ZBTB16: variants seen among roughly 807,000 people sequenced by gnomAD.
ZBTB16 encodes the protein zinc finger and BTB domain-containing protein 16.
Under a neutral mutation model 56.8 loss-of-function variants are expected in ZBTB16, and 8 were observed. That is an observed-to-expected ratio of 0.14 (90% CI 0.08 to 0.25). ZBTB16 has a LOEUF of 0.25. Among genes scored for constraint, ZBTB16 ranks in the 10% least tolerant of loss-of-function variants. The probability of loss-of-function intolerance (pLI) is 1.00; values close to 1 mark genes in which losing one functional copy is unlikely to be tolerated. For missense variants in ZBTB16, 625 were observed against 903.0 expected (o/e 0.69, Z 3.95); for synonymous variants, 363 against 368.5 (o/e 0.98, Z 0.17).
chr11:114,118,932 G>A (rs1941256786), intron 2 of ZBTB16, among the ~76,000 whole-genome samples: 1 of 152,120 alleles, frequency 6.6e-6, no homozygotes, highest in Admixed American at 6.5e-5. Flanking sequence ...CAGTGACTTG[G>A]AGTTCAGGTT....
chr11:114,067,057 A>G (rs1292729741), intron 2 of ZBTB16, among the ~76,000 whole-genome samples: 1 of 152,096 alleles, frequency 6.6e-6, no homozygotes, highest in East Asian at 1.9e-4. Flanking sequence ...GCTGTGAGCC[A>G]CCCCGCCCGG....
At chr11:114,238,742 C>G (rs79582017) in intron 4 of ZBTB16, among the ~76,000 whole-genome samples, 1 of 152,244 alleles carries the variant, frequency 6.6e-6, no homozygotes, top group African/African-American at 2.4e-5. Flanking sequence ...GATCTGACTC[C>G]CATCACCCTC....
rs1944902092 is a variant in ZBTB16, at chr11:114,250,638, A to C, written c.*83A>C. On this transcript the variant is annotated 3_prime_UTR_variant, in exon 7 of 7. Transcript: ENST00000335953. This position sits in a 1 kb window ranked among gnomAD's most constrained non-coding sequence, Gnocchi z 6.0. ...GATGAAGGAAGGACTATGACAAATA[A>C]AAAAGGAAAAGAAAAAAAAAAACAG... 2 of 1,442,972 alleles carry C rather than the reference A, an allele frequency of 1.4e-6. No individual in the cohort carries two copies. Among genetic ancestry groups the C allele is most frequent in the Non-Finnish European group, 1.9e-6 (2 of 1,054,164 alleles). 89.4% of individuals were successfully genotyped at this position (1,442,972 alleles called of 1,614,324 possible). A position where few individuals can be genotyped will look rare whatever the true frequency, so the allele number is the denominator to read the frequency against.
intron 2 of ZBTB16, among the ~76,000 whole-genome samples, chr11:114,069,801 C>G (rs1329828358): frequency 6.6e-6 from 1 of 152,162 alleles, no homozygotes; most frequent in African/African-American, 2.4e-5. Context: ...TTCTTCTTTG[C>G]AAAGCACCTC....
chr11:114,233,410 A>T (rs993555935), intron 4 of ZBTB16, among the ~76,000 whole-genome samples: 6 of 151,894 alleles, frequency 4.0e-5, no homozygotes, highest in Non-Finnish European at 7.4e-5. Flanking sequence ...ACTGCCAGGG[A>T]ATCAGGACTT....
chr11:114,075,598 AG>A (rs1258002578), intron 2 of ZBTB16, among the ~76,000 whole-genome samples: 1 of 148,462 alleles, frequency 6.7e-6, no homozygotes, highest in Non-Finnish European at 1.5e-5. Flanking sequence ...CTGGGACCAC[AG>A]GGGTGCACCA....
chr11:114,085,247 T>G (rs1397415089), intron 2 of ZBTB16, among the ~76,000 whole-genome samples: 1 of 152,220 alleles, frequency 6.6e-6, no homozygotes, highest in African/African-American at 2.4e-5. Flanking sequence ...TATGCTCTGG[T>G]ATCTTCTCTT....
intron 2 of ZBTB16, among the ~76,000 whole-genome samples, chr11:114,092,018 G>A (rs1219637094): frequency 6.6e-6 from 1 of 152,216 alleles, no homozygotes; most frequent in Non-Finnish European, 1.5e-5. Flanking sequence ...CAGTGGGCGT[G>A]GGCAGTAGGA....
chr11:114,063,712 G>T lies in ZBTB16; in HGVS notation c.412G>T (p.Ala138Ser). 6.2e-7 allele frequency: 1 copy of T among 1,614,036 alleles called. No homozygotes were observed. Among genetic ancestry groups the T allele is most frequent in the Non-Finnish European group, 8.5e-7 (1 of 1,180,038 alleles). The change falls in exon 2 of 7, where the codon GCC becomes TCC. Residue 138 changes from alanine to serine, a missense_variant. Ala to Ser is a moderately conservative substitution (Grantham distance 99, BLOSUM62 1). Around this residue, in one of 6 missense-constraint regions of ZBTB16, gnomAD observed 384 missense variants for 393.5 expected, o/e 0.98. Transcript: ENST00000335953. The surrounding 1 kb of genome is among the most constrained non-coding windows in gnomAD (Gnocchi z 6.5). ...SDDNDTEATMADGGAEEEEDR... is the reference protein window; with the variant it reads ...SDDNDTEATMSDGGAEEEEDR... ...CGACAATGACACGGAGGCCACCATG[G>T]CCGATGGCGGGGCCGAGGAAGAAGA...
intron 2 of ZBTB16, among the ~76,000 whole-genome samples, chr11:114,123,868 G>A (rs1165096163): frequency 3.3e-5 from 5 of 152,090 alleles, no homozygotes; most frequent in African/African-American, 4.8e-5. Flanking sequence ...ATGGATATAC[G>A]GGCGCCAGGC....
At position 114,059,973 on chromosome 11, in the gene ZBTB16, C is replaced by T. The variant is rs752109521; in HGVS notation, c.-91+91C>T. ...TGGAGAGGTCTGGGGGGCGCGCGCT[C>T]GCTTCGGCCACTCGGCCGCTGGGCT... is the stretch of plus-strand genomic sequence containing the variant. On this transcript the variant is annotated intron_variant, in intron 1 of 6. Transcript: ENST00000335953. This position sits in a 1 kb window ranked among gnomAD's most constrained non-coding sequence, Gnocchi z 5.3. 1.8e-5 allele frequency: 7 copies of T among 393,834 alleles called. No individual in the cohort carries two copies. Among genetic ancestry groups the T allele is most frequent in the Non-Finnish European group, 2.7e-5 (6 of 223,396 alleles). 24.4% of individuals were successfully genotyped at this position (393,834 alleles called of 1,614,324 possible). A position where few individuals can be genotyped will look rare whatever the true frequency, so the allele number is the denominator to read the frequency against.
intron 4 of ZBTB16, among the ~76,000 whole-genome samples, chr11:114,206,421 A>G (rs1943874130): frequency 6.6e-6 from 1 of 151,978 alleles, no homozygotes; most frequent in Admixed American, 6.6e-5. Context: ...TCTACCCACA[A>G]CTCTGTGCCA....
In ZBTB16 at chr11:114,064,089, C is replaced by T. The variant is rs1163303268; in HGVS notation, c.789C>T (p.Ser263=). ...ACAGCCCTGGGGCAGCCGAGTCCAG[C>T]ATCTCAGGAGGGATGGGGGACAAGG... ...SQDSPGAAES[S]ISGGMGDKVE... is the part of the protein sequence containing the mutation. The change falls in exon 2 of 7, where the codon AGC becomes AGT. Residue 263 remains serine, a synonymous_variant. Coordinates refer to ENST00000335953, the MANE Select transcript of ZBTB16 (RefSeq NM_006006.6). This position sits in a 1 kb window ranked among gnomAD's most constrained non-coding sequence, Gnocchi z 4.2. The T allele has an allele frequency of 6.2e-7, 1 of 1,613,734 alleles. No individual in the cohort carries two copies. The highest frequency in any genetic ancestry group is 8.5e-7 in the Non-Finnish European group (1 of 1,179,982).
intron 2 of ZBTB16, among the ~76,000 whole-genome samples, chr11:114,086,737 G>A (rs534667970): frequency 6.6e-6 from 1 of 152,216 alleles, no homozygotes; most frequent in African/African-American, 2.4e-5. Flanking sequence ...TCCAGCTTTG[G>A]ACTTCTTGTT....
chr11:114,127,310 C>T (rs115414227), intron 2 of ZBTB16, among the ~76,000 whole-genome samples: 307 of 152,310 alleles, frequency 2.0e-3, no homozygotes, highest in African/African-American at 6.2e-3. Context: ...TGCTGAGCCA[C>T]GTGCATTGGA....
chr11:114,214,045 A>C (rs1944045814), intron 4 of ZBTB16, among the ~76,000 whole-genome samples: 1 of 152,250 alleles, frequency 6.6e-6, no homozygotes, highest in East Asian at 1.9e-4. Context: ...AGACATATAT[A>C]AATCAGCCAG....
At chr11:114,249,610 A>G (rs1290629661) in intron 6 of ZBTB16, among the ~76,000 whole-genome samples, 2 of 143,990 alleles carry the variant, frequency 1.4e-5, no homozygotes, top group African/African-American at 5.3e-5. Context: ...CTAAAAATAC[A>G]AAAAATTAGC....
chr11:114,148,791 C>T (rs1942209439), intron 2 of ZBTB16, among the ~76,000 whole-genome samples: 1 of 151,948 alleles, frequency 6.6e-6, no homozygotes, highest in Non-Finnish European at 1.5e-5. Flanking sequence ...CCGCGCCCGC[C>T]TGCCTGGCTT....
At chr11:114,244,205 C>T (rs2135203986) in intron 5 of ZBTB16, among the ~76,000 whole-genome samples, 1 of 152,184 alleles carries the variant, frequency 6.6e-6, no homozygotes, top group South Asian at 2.1e-4. Context: ...TTGATGGATC[C>T]CTGATTCACA....
Sources: allele counts gnomAD v4.1 joint callset (sites outside exome capture counted in the v4.1 genomes callset), GRCh38; gene constraint gnomAD v4.1.1; regional missense constraint gnomAD v4.1.1; non-coding constraint Gnocchi (gnomAD v3.1); transcripts MANE v1.5; gene names NCBI Gene and HGNC (gene_info 2026-07-23, HGNC 2026-07-21).